ACOT7: variants seen among roughly 807,000 people sequenced by gnomAD.
ACOT7 encodes the protein acyl-CoA thioesterase 7.
A neutral mutation model predicts 40.2 loss-of-function variants in ACOT7; 12 were observed. The ratio of observed to expected loss-of-function variants is 0.30; its 90% CI spans 0.19 to 0.48. The LOEUF (loss-of-function observed/expected upper bound fraction) is 0.48, where lower values mean the gene tolerates loss of function less well. ACOT7 is among the 20% of genes least tolerant of loss of function. The pLI is 0.99. For missense variants in ACOT7, 395 were observed against 530.8 expected (o/e 0.74, Z 2.51); for synonymous variants, 228 against 219.5 (o/e 1.04, Z -0.34).
intron 8 of ACOT7, among the ~76,000 whole-genome samples, chr1:6,266,324 T>C (rs930217077): frequency 7.2e-5 from 11 of 152,248 alleles, no homozygotes; most frequent in Non-Finnish European, 1.6e-4. Flanking sequence ...GCGCAGCCCC[T>C]GCAGATGACA....
At chr1:6,391,218 G>A (rs1293900860) in intron 1 of ACOT7, among the ~76,000 whole-genome samples, 1 of 150,540 alleles carries the variant, frequency 6.6e-6, no homozygotes, top group African/African-American at 2.4e-5. Context: ...ACTTTTTCCA[G>A]CTGGGTGCGG....
intron 5 of ACOT7, among the ~76,000 whole-genome samples, chr1:6,326,931 C>CAAAAA (rs1163224507): frequency 1.6e-5 from 1 of 61,182 alleles, no homozygotes. Flanking sequence ...GACTCCAACT[C>CAAAAA]AAAAAAAAAA....
rs569984281 is a variant in ACOT7 at position 6,393,665 on chromosome 1, C to T, written c.-266G>A. The T allele has an allele frequency of 2.0e-3, 497 of 251,148 alleles. 15 individuals carry two copies. In the East Asian group the frequency reaches 0.037, roughly 19 times the overall value. The allele number at this position is 251,148 out of a possible 1,614,324, so 15.6% of individuals were successfully genotyped here. On this transcript the variant is annotated 5_prime_UTR_variant, in exon 1 of 9. Coordinates refer to ENST00000361521, the MANE Select transcript of ACOT7 (RefSeq NM_007274.4). ...GAAGGCCCGCTAGCCGCGGCAGCCG[C>T]GCCCGACCCGGTGGCAGCCCCGAGG...
chr1:6,279,061 G>A (rs943256940), intron 8 of ACOT7, among the ~76,000 whole-genome samples: 10 of 152,198 alleles, frequency 6.6e-5, no homozygotes, highest in African/African-American at 2.2e-4. Flanking sequence ...GAGGGGCGTC[G>A]GGTCCATGGG....
chr1:6,297,702 G>C (rs961715168), intron 6 of ACOT7, among the ~76,000 whole-genome samples: 1 of 152,266 alleles, frequency 6.6e-6, no homozygotes, highest in African/African-American at 2.4e-5. Context: ...ACTTATAAGT[G>C]TGTTTGGGAG....
At position 6,385,642 on chromosome 1, in the gene ACOT7, G is replaced by A. The variant is rs373937124; in HGVS notation, c.143+7615C>T. ...GCCTGCCTCCCAAACTCACAGAGCC[G>A]GAGAGCCCTGGCAAGCAGCTTCATC... On this transcript the variant is annotated intron_variant, in intron 1 of 8. Transcript: ENST00000361521. 1.7e-5 allele frequency: 27 copies of A among 1,612,122 alleles called. No homozygotes were observed. The African/African-American group carries it at 2.5e-4, about 15-fold the overall frequency.
intron 1 of ACOT7, among the ~76,000 whole-genome samples, chr1:6,353,241 C>CCT (rs1187242913): frequency 6.6e-6 from 1 of 151,896 alleles, no homozygotes; most frequent in Non-Finnish European, 1.5e-5. Context: ...ATCACTTGAG[C>CCT]CTGGGAAGAG....
intron 2 of ACOT7, among the ~76,000 whole-genome samples, chr1:6,341,598 CGG>C (rs1339452478): frequency 6.6e-6 from 1 of 151,922 alleles, no homozygotes; most frequent in Non-Finnish European, 1.5e-5. Flanking sequence ...AAAAATTAGC[CGG>C]GTGTGGTGGT....
chr1:6,280,494 C>T (rs1374312617), intron 8 of ACOT7, among the ~76,000 whole-genome samples: 1 of 152,224 alleles, frequency 6.6e-6, no homozygotes, highest in Non-Finnish European at 1.5e-5. Context: ...GGGCAGCAGC[C>T]CCTGTGAACG....
chr1:6,273,730 A>G (rs1209544680), intron 8 of ACOT7, among the ~76,000 whole-genome samples: 3 of 152,290 alleles, frequency 2.0e-5, no homozygotes, highest in African/African-American at 7.2e-5. Context: ...AGCCAGTGTA[A>G]GAGCCCGCAC....
chr1:6,271,323 T>TA (rs1639025491), intron 8 of ACOT7, among the ~76,000 whole-genome samples: 1 of 152,332 alleles, frequency 6.6e-6, no homozygotes, highest in South Asian at 2.1e-4. Context: ...CCAGTGGTGA[T>TA]ATAACAACTT....
chr1:6,392,001 G>A (rs1255353400), intron 1 of ACOT7, among the ~76,000 whole-genome samples: 1 of 151,394 alleles, frequency 6.6e-6, no homozygotes, highest in African/African-American at 2.4e-5. Context: ...AACAGCCACA[G>A]AGCCAAAGTC....
intron 6 of ACOT7, among the ~76,000 whole-genome samples, chr1:6,298,426 C>T (rs770165603): frequency 9.2e-5 from 14 of 152,204 alleles, no homozygotes; most frequent in African/African-American, 9.7e-5. Context: ...TGAGCTACTG[C>T]GCCCAGGTGC....
intron 1 of ACOT7, among the ~76,000 whole-genome samples, chr1:6,375,105 G>T (rs932680540): frequency 6.6e-6 from 1 of 150,714 alleles, no homozygotes; most frequent in Non-Finnish European, 1.5e-5. Context: ...GTGAAGCCCC[G>T]TCTCTACTAA....
At chr1:6,269,501 C>T (rs1003178600) in intron 8 of ACOT7, among the ~76,000 whole-genome samples, 9 of 152,356 alleles carry the variant, frequency 5.9e-5, no homozygotes, top group South Asian at 2.1e-4. Flanking sequence ...ATGCCACAGG[C>T]CGAGGGCTGT....
chr1:6,357,963 T>A (rs1641794341), intron 1 of ACOT7, among the ~76,000 whole-genome samples: 1 of 150,910 alleles, frequency 6.6e-6, no homozygotes, highest in Admixed American at 6.6e-5. Flanking sequence ...ACCTCCCGGG[T>A]TCAAGTGATT....
At chr1:6,287,573 A>G (rs1042252803) in intron 7 of ACOT7, among the ~76,000 whole-genome samples, 1 of 152,214 alleles carries the variant, frequency 6.6e-6, no homozygotes, top group Non-Finnish European at 1.5e-5. Flanking sequence ...TGTGAATTAC[A>G]GCCGCTTTCT....
chr1:6,316,465 G>A (rs577409861), intron 6 of ACOT7, among the ~76,000 whole-genome samples: 3 of 152,292 alleles, frequency 2.0e-5, no homozygotes, highest in East Asian at 1.9e-4. Flanking sequence ...GTGGGAAGAC[G>A]AAAACAATCA....
chr1:6,365,972 G>C (rs1356698418), intron 1 of ACOT7, among the ~76,000 whole-genome samples: 2 of 150,908 alleles, frequency 1.3e-5, no homozygotes, highest in Non-Finnish European at 2.9e-5. Context: ...TTGGCTCACT[G>C]CAACCTCTGC....
Sources: allele counts gnomAD v4.1 joint callset (sites outside exome capture counted in the v4.1 genomes callset), GRCh38; gene constraint gnomAD v4.1.1; transcripts MANE v1.5; gene names NCBI Gene and HGNC (gene_info 2026-07-23, HGNC 2026-07-21).